The following MAN1A1 variants were observed in gnomAD, a reference collection of about 807,000 sequenced individuals.
MAN1A1 encodes mannosidase alpha class 1A member 1, also known as mannosyl-oligosaccharide 1,2-alpha-mannosidase IA.
MAN1A1 carries 29 observed loss-of-function variants against 70.8 expected under a neutral mutation model. The ratio of observed to expected loss-of-function variants is 0.41; its 90% CI spans 0.31 to 0.56. MAN1A1 has a LOEUF of 0.56. Among genes scored for constraint, MAN1A1 ranks in the 20% least tolerant of loss-of-function variants. The pLI, the probability that MAN1A1 is intolerant of heterozygous loss-of-function variation, is 0.29. For missense variants in MAN1A1, 747 were observed against 841.3 expected, an observed-to-expected ratio of 0.89 and a Z score of 1.39; for synonymous variants, 349 against 330.1, an observed-to-expected ratio of 1.06 and a Z score of -0.62.
chr6:119,254,660 C>G (rs1217834881), intron 5 of MAN1A1, among the ~76,000 whole-genome samples: 1 of 152,062 alleles, frequency 6.6e-6, no homozygotes, highest in African/African-American at 2.4e-5. Context: ...TAAATGTCCA[C>G]TAAAAGAAAA....
intron 2 of MAN1A1, among the ~76,000 whole-genome samples, chr6:119,313,179 A>G (rs1431660762): frequency 6.6e-6 from 1 of 152,212 alleles, no homozygotes; most frequent in East Asian, 1.9e-4. Flanking sequence ...GACAGTGCAG[A>G]GCCTGATGTG....
At chr6:119,326,836 C>T (rs969778584) in intron 2 of MAN1A1, among the ~76,000 whole-genome samples, 1 of 152,156 alleles carries the variant, frequency 6.6e-6, no homozygotes, top group Non-Finnish European at 1.5e-5. Context: ...ATGGGGATTA[C>T]AATTCAAATG....
At chr6:119,206,507 GA>G (rs1288231085) in intron 6 of MAN1A1, among the ~76,000 whole-genome samples, 2 of 152,066 alleles carry the variant, frequency 1.3e-5, no homozygotes, top group Non-Finnish European at 2.9e-5. Context: ...CCAAAACACT[GA>G]TATACAGTAC....
chr6:119,232,715 GTGTA>G lies in MAN1A1; in HGVS notation c.992+15541_992+15544del, dbSNP rs199850992. Among the ~76,000 whole-genome samples the G allele has an allele frequency of 8.9e-3, 1,123 of 126,300 alleles. 8 individuals are homozygous for G. The highest frequency in any genetic ancestry group is 0.032 in the African/African-American group (981 of 30,892). The allele number at this position is 126,300 out of a possible 152,430, so 82.9% of individuals were successfully genotyped here. On this transcript the variant is annotated intron_variant, in intron 6 of 12. Transcript: ENST00000368468. Reference sequence around the variant, plus strand: ...TGTGTGTGTGTGTGTGTGTGTGTGTGTGTATATTTGGAAATCCTTGTAGGCTATA... The same window carrying G: ...TGTGTGTGTGTGTGTGTGTGTGTGTGTATTTGGAAATCCTTGTAGGCTATA...
chr6:119,265,282 TG>T (rs1187558851), intron 5 of MAN1A1, among the ~76,000 whole-genome samples: 1 of 151,938 alleles, frequency 6.6e-6, no homozygotes, highest in African/African-American at 2.4e-5. Flanking sequence ...TAATTTTTTT[TG>T]AGACATGGTC....
At chr6:119,204,964 AGCTTTT>A in intron 6 of MAN1A1, 82 bp from the exon 7 acceptor site, 2 of 1,464,580 alleles carry the variant, frequency 1.4e-6, no homozygotes, top group Non-Finnish European at 1.8e-6. Flanking sequence ...TGAAATAGAC[AGCTTTT>A]AAAAAAAGGC....
rs768868004 is a variant in MAN1A1, at chr6:119,306,933, T to A, written c.663A>T (p.Lys221Asn). ...TTGAATGGCCTCCTTTTGATATAGG[T>A]TTGAGTTCATTTAATCCCCAGGCAT... ...KGYAWGLNEL[K>N]PISKGGHSSS... The change falls in exon 3 of 13, where the codon AAA becomes AAT. Residue 221 changes from lysine (K) to asparagine (N), a missense_variant. This residue lies in a region of MAN1A1 where 419 missense variants were observed against 548.2 expected (regional missense o/e 0.76). Transcript: ENST00000368468. The A allele has an allele frequency of 6.2e-7, 1 of 1,600,486 alleles. No homozygotes were observed. The highest frequency in any genetic ancestry group is 8.6e-7 in the Non-Finnish European group (1 of 1,167,784).
chr6:119,258,050 C>T (rs1468929196), intron 5 of MAN1A1, among the ~76,000 whole-genome samples: 1 of 151,886 alleles, frequency 6.6e-6, no homozygotes, highest in Non-Finnish European at 1.5e-5. Flanking sequence ...AAATATAATG[C>T]CTACTAAAGA....
At chr6:119,195,643 A>G (rs1773549730) in intron 8 of MAN1A1, among the ~76,000 whole-genome samples, 1 of 152,194 alleles carries the variant, frequency 6.6e-6, no homozygotes, top group Non-Finnish European at 1.5e-5. Flanking sequence ...TATGTTTCCC[A>G]GTCCACCCCA....
chr6:119,223,618 A>G (rs1562199227), intron 6 of MAN1A1, among the ~76,000 whole-genome samples: 1 of 152,176 alleles, frequency 6.6e-6, no homozygotes, highest in Admixed American at 6.5e-5. Flanking sequence ...AGTACTAATT[A>G]TACTATTATA....
intron 5 of MAN1A1, among the ~76,000 whole-genome samples, chr6:119,268,314 G>A (rs780948398): frequency 1.3e-5 from 2 of 151,894 alleles, no homozygotes; most frequent in Admixed American, 1.3e-4. Flanking sequence ...TATTTGATTC[G>A]GACCACAAAA....
At chr6:119,229,493 C>T (rs566343376) in intron 6 of MAN1A1, among the ~76,000 whole-genome samples, 21 of 152,172 alleles carry the variant, frequency 1.4e-4, no homozygotes, top group Non-Finnish European at 2.6e-4. Flanking sequence ...CTGGGTAATG[C>T]AATTTGGGAA....
intron 6 of MAN1A1, among the ~76,000 whole-genome samples, chr6:119,232,468 T>C (rs1391579080): frequency 4.0e-5 from 6 of 151,696 alleles, no homozygotes; most frequent in African/African-American, 7.3e-5. Context: ...CAATGAGTGA[T>C]AGCCTACAAT....
chr6:119,257,704 T>C lies in MAN1A1; in HGVS notation c.898-9350A>G, dbSNP rs1050221112. 2.0e-5 allele frequency among the ~76,000 whole-genome samples: 3 copies of C among 151,988 alleles called. No individual in the cohort carries two copies. The East Asian group carries it at 5.8e-4, about 29-fold the overall frequency. ...TCTAATATGCATTCAATATGGAAGT[T>C]AAAAAAGGGAGAGGAAACCCAATGG... On this transcript the variant is annotated intron_variant, in intron 5 of 12. Coordinates refer to ENST00000368468, the MANE Select transcript of MAN1A1 (RefSeq NM_005907.4).
At chr6:119,331,584 T>TATATATACAC (rs1773315921) in intron 2 of MAN1A1, among the ~76,000 whole-genome samples, 1 of 145,716 alleles carries the variant, frequency 6.9e-6, no homozygotes, top group African/African-American at 2.5e-5. Flanking sequence ...TATATATATA[T>TATATATACAC]ATATATATAT....
chr6:119,216,551 T>C (rs1408197505), intron 6 of MAN1A1, among the ~76,000 whole-genome samples: 2 of 152,130 alleles, frequency 1.3e-5, no homozygotes, highest in Admixed American at 6.5e-5. Context: ...AAGACAAGCA[T>C]GCGTTCTCTT....
intron 6 of MAN1A1, among the ~76,000 whole-genome samples, chr6:119,245,502 A>G (rs910429785): frequency 2.0e-5 from 3 of 152,150 alleles, no homozygotes; most frequent in African/African-American, 7.2e-5. Flanking sequence ...TTCTTGCCCT[A>G]CAGGAAAACT....
At chr6:119,261,895 A>G (rs920699426) in intron 5 of MAN1A1, among the ~76,000 whole-genome samples, 1 of 152,254 alleles carries the variant, frequency 6.6e-6, no homozygotes, top group African/African-American at 2.4e-5. Flanking sequence ...GAAAAGGACT[A>G]GTTCTAAAAG....
intron 5 of MAN1A1, among the ~76,000 whole-genome samples, chr6:119,280,842 T>C (rs1776208941): frequency 6.6e-6 from 1 of 152,192 alleles, no homozygotes; most frequent in African/African-American, 2.4e-5. Flanking sequence ...ATAGAACATA[T>C]TACCTCATCT....
Sources: gnomAD v4.1 joint callset for allele counts (sites outside exome capture counted in the v4.1 genomes callset) on GRCh38, gnomAD v4.1.1 for gene constraint, gnomAD v4.1.1 regional missense constraint, MANE v1.5 for transcripts, NCBI Gene and HGNC (gene_info 2026-07-23, HGNC 2026-07-21) for gene names.